The following TRIB2 variants were observed in gnomAD, a reference collection of about 807,000 sequenced individuals.
TRIB2 encodes tribbles pseudokinase 2.
In TRIB2, 2 loss-of-function variants were observed where a neutral mutation model predicts 26.8. The observed-to-expected ratio is 0.07, with a 90% confidence interval of 0.03 to 0.24. The LOEUF (loss-of-function observed/expected upper bound fraction) is 0.24, where lower values mean the gene tolerates loss of function less well. Among genes scored for constraint, TRIB2 ranks in the 10% least tolerant of loss-of-function variants. The pLI, the probability that TRIB2 is intolerant of heterozygous loss-of-function variation, is 1.00. For missense variants in TRIB2, 306 were observed against 449.0 expected (o/e 0.68, Z 2.88); for synonymous variants, 189 against 187.3 (o/e 1.01, Z -0.08).
intron 2 of TRIB2, among the ~76,000 whole-genome samples, chr2:12,727,760 A>C (rs1285468149): frequency 6.6e-6 from 1 of 152,166 alleles, no homozygotes; most frequent in Non-Finnish European, 1.5e-5. Flanking sequence ...TGAGGAAGTT[A>C]ATCTCCAATC....
intron 2 of TRIB2, among the ~76,000 whole-genome samples, chr2:12,733,371 TTTTC>T (rs1234649967): frequency 6.6e-6 from 1 of 152,132 alleles, no homozygotes; most frequent in African/African-American, 2.4e-5. Flanking sequence ...CTTTAAAAGT[TTTTC>T]TTTCTTTGGC....
In TRIB2 at chr2:12,717,317, G is replaced by A; in HGVS notation, c.-991G>A. The A allele has an allele frequency of 2.5e-6, 1 of 398,524 alleles. No individual in the cohort carries two copies. The highest frequency in any genetic ancestry group is 4.4e-6 in the Non-Finnish European group (1 of 225,992). The allele number at this position is 398,524 out of a possible 1,614,324, so 24.7% of individuals were successfully genotyped here. A position where few individuals can be genotyped will look rare whatever the true frequency, so the allele number is the denominator to read the frequency against. On this transcript the variant is annotated 5_prime_UTR_variant, in exon 1 of 3. Transcript: ENST00000155926. The surrounding 1 kb of genome is among the most constrained non-coding windows in gnomAD (Gnocchi z 4.8). ...GCCGCGCGTTGGAAGGGCCAGGGACGCAGCTCCCCTTGCAGCGCCCGCAGG... is the reference window on the plus strand; with the variant it reads ...GCCGCGCGTTGGAAGGGCCAGGGACACAGCTCCCCTTGCAGCGCCCGCAGG...
chr2:12,739,151 A>G (rs929606237), intron 2 of TRIB2, among the ~76,000 whole-genome samples: 1 of 152,182 alleles, frequency 6.6e-6, no homozygotes, highest in Non-Finnish European at 1.5e-5. Flanking sequence ...CAGACAGAAG[A>G]TGTGGGTGAC....
Position 12,741,698 on chromosome 2 carries a change from G to A in TRIB2, c.*904G>A, listed in dbSNP as rs1661715394. 6.6e-6 allele frequency: 1 copy of A among 152,530 alleles called. No homozygotes were observed. The highest frequency in any genetic ancestry group is 2.1e-4 in the South Asian group (1 of 4,830). The allele number at this position is 152,530 out of a possible 1,614,324, so 9.4% of individuals were successfully genotyped here. ...CCTGAGATTTTAGCAAGCTCCTGGAGTCTGATGCTTTTGCAGTACTCTGAT... is the reference window on the plus strand; with the variant it reads ...CCTGAGATTTTAGCAAGCTCCTGGAATCTGATGCTTTTGCAGTACTCTGAT... On this transcript the variant is annotated 3_prime_UTR_variant, in exon 3 of 3. Transcript: ENST00000155926.
intron 2 of TRIB2, among the ~76,000 whole-genome samples, chr2:12,728,915 G>A (rs1661391327): frequency 6.6e-6 from 1 of 152,166 alleles, no homozygotes; most frequent in Admixed American, 6.5e-5. Flanking sequence ...TGAGGTCTCA[G>A]TATCTAACAG....
Position 12,740,215 on chromosome 2 carries a change from T to C in TRIB2, c.564-111T>C. 2 of 1,030,910 alleles carry C rather than the reference T, an allele frequency of 1.9e-6. No homozygotes were observed. Among genetic ancestry groups the C allele is most frequent in the South Asian group, 3.1e-5 (2 of 64,124 alleles). 63.9% of individuals were successfully genotyped at this position (1,030,910 alleles called of 1,614,324 possible). ...CTGGTCAGATGAATGCGTGAATGAA[T>C]GAATGTGAATGAGGAGTCTTCAGAA... On this transcript the variant is annotated intron_variant, in intron 2 of 2. Transcript: ENST00000155926. This position sits in a 1 kb window ranked among gnomAD's most constrained non-coding sequence, Gnocchi z 5.8.
rs1558313746 is a variant in TRIB2, at chr2:12,718,585, G to GC, written c.270+10dup. Reference sequence around the variant, plus strand: ...GAGGAGCTGGTGTGCAAGGTAAAGGGCCAGTGGGTTGCTTTTTGTCTTTGG... The same window carrying GC: ...GAGGAGCTGGTGTGCAAGGTAAAGGGCCCAGTGGGTTGCTTTTTGTCTTTGG... On this transcript the variant is annotated intron_variant, in intron 1 of 2. Coordinates refer to ENST00000155926, the MANE Select transcript of TRIB2 (RefSeq NM_021643.4). The surrounding 1 kb of genome is among the most constrained non-coding windows in gnomAD (Gnocchi z 4.0). The GC allele has an allele frequency of 9.3e-6, 15 of 1,606,366 alleles. No individual in the cohort carries two copies. Among genetic ancestry groups the GC allele is most frequent in the Middle Eastern group, 1.7e-4 (1 of 5,966 alleles).
chr2:12,724,950 A>T (rs1443194146), intron 2 of TRIB2: 2 of 1,379,652 alleles, frequency 1.4e-6, no homozygotes, highest in Non-Finnish European at 1.9e-6. Flanking sequence ...ATAAGAGGTC[A>T]TATTTGTTTA....
At chr2:12,739,749 G>A (rs1187258544) in intron 2 of TRIB2, among the ~76,000 whole-genome samples, 2 of 152,178 alleles carry the variant, frequency 1.3e-5, no homozygotes, top group Admixed American at 6.5e-5. Flanking sequence ...GAAGTTACCC[G>A]AACTCTCTGA....
At position 12,732,320 on chromosome 2, in the gene TRIB2, C is replaced by T. The variant is rs1661474609; in HGVS notation, c.564-8006C>T. ...TTGAGTCAGATTGGGTTTCCCATCC[C>T]AACTGTGCTATTTCCAAGCAAGTTC... On this transcript the variant is annotated intron_variant, in intron 2 of 2. Coordinates refer to ENST00000155926, the MANE Select transcript of TRIB2 (RefSeq NM_021643.4). This position sits in a 1 kb window ranked among gnomAD's most constrained non-coding sequence, Gnocchi z 4.2. Among the ~76,000 whole-genome samples the T allele has an allele frequency of 6.6e-6, 1 of 152,142 alleles. No individual in the cohort carries two copies. The highest frequency in any genetic ancestry group is 6.5e-5 in the Admixed American group (1 of 15,276).
At chr2:12,722,722 C>T (rs1451371225) in intron 1 of TRIB2, among the ~76,000 whole-genome samples, 1 of 152,190 alleles carries the variant, frequency 6.6e-6, no homozygotes, top group East Asian at 1.9e-4. Flanking sequence ...GCCTCAGTTT[C>T]CATATCTGTA....
intron 1 of TRIB2, among the ~76,000 whole-genome samples, chr2:12,722,292 A>C (rs533043069): frequency 6.6e-6 from 1 of 152,338 alleles, no homozygotes; most frequent in African/African-American, 2.4e-5. Flanking sequence ...CTTTCCAGCG[A>C]AGCTCACCCA....
At chr2:12,736,076 G>A (rs1661560570) in intron 2 of TRIB2, among the ~76,000 whole-genome samples, 1 of 152,146 alleles carries the variant, frequency 6.6e-6, no homozygotes, top group Non-Finnish European at 1.5e-5. Context: ...CCAGAAAGAG[G>A]GGTTAGGATG....
intron 2 of TRIB2, among the ~76,000 whole-genome samples, chr2:12,735,862 T>A (rs1544856): frequency 0.66 from 100,505 of 151,984 alleles, 33,361 homozygotes; most frequent in East Asian, 0.81. Flanking sequence ...AAGGAGCACG[T>A]AGTGTTGGAT....
At position 12,717,493 on chromosome 2, in the gene TRIB2, C is replaced by T. The variant is rs11904706; in HGVS notation, c.-815C>T. On this transcript the variant is annotated 5_prime_UTR_variant, in exon 1 of 3. Coordinates refer to ENST00000155926, the MANE Select transcript of TRIB2 (RefSeq NM_021643.4). This position sits in a 1 kb window ranked among gnomAD's most constrained non-coding sequence, Gnocchi z 4.8. ...TGACCTCCGCGCGGCGGGCCGAGCC[C>T]AGGGCTTTGTCGCGGTACCTGCGCC... is the stretch of plus-strand genomic sequence containing the variant. The T allele has an allele frequency of 0.021, 8,293 of 398,404 alleles. 586 individuals carry two copies. The highest frequency in any genetic ancestry group is 0.16 in the African/African-American group (7,607 of 48,736). 24.7% of individuals were successfully genotyped at this position (398,404 alleles called of 1,614,324 possible).
chr2:12,734,823 T>C (rs766892394), intron 2 of TRIB2, among the ~76,000 whole-genome samples: 27 of 152,220 alleles, frequency 1.8e-4, no homozygotes, highest in African/African-American at 2.9e-4. Context: ...TTGGTTTTTA[T>C]GGAAATCAGC....
chr2:12,731,125 G>A (rs765289886), intron 2 of TRIB2, among the ~76,000 whole-genome samples: 1 of 152,228 alleles, frequency 6.6e-6, no homozygotes, highest in Admixed American at 6.5e-5. Context: ...TTATTTAGCT[G>A]TAAGCATTAT....
chr2:12,718,072 AG>A lies in TRIB2; in HGVS notation c.-235del. On this transcript the variant is annotated 5_prime_UTR_variant, in exon 1 of 3. Transcript: ENST00000155926. The surrounding 1 kb of genome is among the most constrained non-coding windows in gnomAD (Gnocchi z 4.0). Reference sequence around the variant, plus strand: ...CGCCGACTGCTTTGGGGTAACAAAAAGACCCGAGTTGCCTGCCGACCGAGGA... The same window carrying A: ...CGCCGACTGCTTTGGGGTAACAAAAAACCCGAGTTGCCTGCCGACCGAGGA... 1.7e-6 allele frequency: 1 copy of A among 579,350 alleles called. No homozygotes were observed. The highest frequency in any genetic ancestry group is 2.3e-5 in the South Asian group (1 of 43,878). The allele number at this position is 579,350 out of a possible 1,614,324, so 35.9% of individuals were successfully genotyped here. A position where few individuals can be genotyped will look rare whatever the true frequency, so the allele number is the denominator to read the frequency against.
chr2:12,718,819 C>T lies in TRIB2; in HGVS notation c.270+242C>T, dbSNP rs2103248062. Among the ~76,000 whole-genome samples the T allele has an allele frequency of 6.6e-6, 1 of 152,244 alleles. No homozygotes were observed. Among genetic ancestry groups the T allele is most frequent in the Non-Finnish European group, 1.5e-5 (1 of 68,012 alleles). On this transcript the variant is annotated intron_variant, in intron 1 of 2. Coordinates refer to ENST00000155926, the MANE Select transcript of TRIB2 (RefSeq NM_021643.4). The surrounding 1 kb of genome is among the most constrained non-coding windows in gnomAD (Gnocchi z 4.0). Reference sequence around the variant, plus strand: ...GCCCGGGGAGGAGAGGGCGGCGGGACTGCGCGGGGGCCACGGACACGCGTG... The same window carrying T: ...GCCCGGGGAGGAGAGGGCGGCGGGATTGCGCGGGGGCCACGGACACGCGTG...
Sources: allele counts gnomAD v4.1 joint callset (sites outside exome capture counted in the v4.1 genomes callset), GRCh38; gene constraint gnomAD v4.1.1; non-coding constraint Gnocchi (gnomAD v3.1); transcripts MANE v1.5; gene names NCBI Gene and HGNC (gene_info 2026-07-23, HGNC 2026-07-21).